Variants in DGKB observed in about 807,000 individuals in gnomAD.
The protein encoded by DGKB is diacylglycerol kinase beta.
Under a neutral mutation model 114.3 loss-of-function variants are expected in DGKB, and 67 were observed. The observed-to-expected ratio is 0.59, with a 90% CI of 0.48 to 0.72. The LOEUF (loss-of-function observed/expected upper bound fraction) is 0.72, where lower values mean the gene tolerates loss of function less well. DGKB is among the 30% of genes least tolerant of loss of function. DGKB has a pLI of 0.00. For synonymous variants in DGKB, 398 were observed against 323.1 expected (o/e 1.23, Z -2.49); for missense variants, 907 against 975.2 (o/e 0.93, Z 0.93).
intron 21 of DGKB, among the ~76,000 whole-genome samples, chr7:14,437,680 G>A (rs2128805193): frequency 6.6e-6 from 1 of 151,446 alleles, no homozygotes; most frequent in African/African-American, 2.4e-5. Flanking sequence ...TTGTCTTCAA[G>A]GTAATCTCTG....
chr7:14,955,087 T>C (rs1786422928), intron 1 of DGKB, among the ~76,000 whole-genome samples: 1 of 151,896 alleles, frequency 6.6e-6, no homozygotes, highest in Non-Finnish European at 1.5e-5. Flanking sequence ...GGCAAGCAAA[T>C]AAAGTTTCTG....
At chr7:14,446,277 G>C (rs558587317) in intron 21 of DGKB, among the ~76,000 whole-genome samples, 2 of 152,192 alleles carry the variant, frequency 1.3e-5, no homozygotes, top group Admixed American at 6.6e-5. Flanking sequence ...AATCGAAAGT[G>C]GTTCTTTTCT....
chr7:14,252,387 G>A (rs766108120), intron 23 of DGKB, among the ~76,000 whole-genome samples: 10 of 152,108 alleles, frequency 6.6e-5, no homozygotes, highest in Admixed American at 1.3e-4. Context: ...CTGATTATTC[G>A]TGATTTTATG....
chr7:14,788,704 C>A (rs1245362283), intron 2 of DGKB, among the ~76,000 whole-genome samples: 1 of 152,128 alleles, frequency 6.6e-6, no homozygotes, highest in Admixed American at 6.5e-5. Context: ...TCTTGCCCAC[C>A]TTTTCTTCTC....
At chr7:14,156,004 C>G (rs1487564813) in intron 25 of DGKB, among the ~76,000 whole-genome samples, 1 of 152,066 alleles carries the variant, frequency 6.6e-6, no homozygotes, top group African/African-American at 2.4e-5. Flanking sequence ...ATATGAATAG[C>G]AGATGTTAGA....
intron 2 of DGKB, among the ~76,000 whole-genome samples, chr7:14,811,757 G>A (rs901219893): frequency 2.0e-5 from 3 of 151,694 alleles, no homozygotes; most frequent in African/African-American, 7.3e-5. Context: ...TTATTTTGAG[G>A]TAAGTAAATA....
intron 1 of DGKB, among the ~76,000 whole-genome samples, chr7:14,898,402 A>G (rs551680435): frequency 3.3e-5 from 5 of 152,180 alleles, no homozygotes; most frequent in African/African-American, 1.2e-4. Flanking sequence ...TATTCCTACC[A>G]GTTTGTAACT....
intron 1 of DGKB, among the ~76,000 whole-genome samples, chr7:14,895,124 A>G (rs546010691): frequency 4.0e-5 from 6 of 151,792 alleles, no homozygotes; most frequent in East Asian, 1.9e-4. Flanking sequence ...ACTAAGCAAC[A>G]TTAAGTACTT....
chr7:14,831,823 T>C (rs1296982546), intron 2 of DGKB, among the ~76,000 whole-genome samples: 1 of 152,104 alleles, frequency 6.6e-6, no homozygotes. Flanking sequence ...TCATTGCTCC[T>C]AACGGATTTG....
chr7:14,490,406 C>G (rs992580605), intron 20 of DGKB, among the ~76,000 whole-genome samples: 23 of 152,106 alleles, frequency 1.5e-4, no homozygotes, highest in African/African-American at 4.6e-4. Flanking sequence ...AAAGTGACAG[C>G]ATAGTTTATT....
intron 1 of DGKB, among the ~76,000 whole-genome samples, chr7:14,939,837 T>A (rs1190844258): frequency 6.6e-6 from 1 of 151,890 alleles, no homozygotes; most frequent in African/African-American, 2.4e-5. Context: ...ATGGTCTTGA[T>A]CTCCTGACCT....
At chr7:14,386,511 G>A (rs1017292241) in intron 21 of DGKB, among the ~76,000 whole-genome samples, 9 of 152,154 alleles carry the variant, frequency 5.9e-5, no homozygotes, top group South Asian at 2.1e-4. Context: ...GCCCTGCAGC[G>A]ATAAGGTAAT....
chr7:14,519,989 T>C (rs1423035866), intron 20 of DGKB, among the ~76,000 whole-genome samples: 1 of 151,866 alleles, frequency 6.6e-6, no homozygotes, highest in Non-Finnish European at 1.5e-5. Flanking sequence ...ACTTTTCCAC[T>C]CTGGCTTATC....
chr7:14,949,704 C>G (rs1786071149), intron 1 of DGKB, among the ~76,000 whole-genome samples: 1 of 151,580 alleles, frequency 6.6e-6, no homozygotes, highest in Non-Finnish European at 1.5e-5. Flanking sequence ...CACAGGCATA[C>G]CATAGTAAAA....
intron 23 of DGKB, among the ~76,000 whole-genome samples, chr7:14,296,760 G>GTTTT (rs56367420): frequency 3.0e-5 from 3 of 100,836 alleles, no homozygotes; most frequent in African/African-American, 1.2e-4. Context: ...TCCAGGGACT[G>GTTTT]TTTTTTTTTT....
chr7:14,474,815 C>A (rs866889550), intron 21 of DGKB, among the ~76,000 whole-genome samples: 1 of 134,994 alleles, frequency 7.4e-6, no homozygotes, highest in Non-Finnish European at 1.6e-5. Context: ...ATTCTAGTAG[C>A]ATAAATATTT....
intron 25 of DGKB, among the ~76,000 whole-genome samples, chr7:14,151,310 C>T (rs1404483831): frequency 1.3e-5 from 2 of 151,728 alleles, no homozygotes; most frequent in Non-Finnish European, 1.5e-5. Context: ...ATATATCTTC[C>T]TAGCCATTTA....
chr7:14,503,061 G>A (rs1786456302), intron 20 of DGKB, among the ~76,000 whole-genome samples: 1 of 152,058 alleles, frequency 6.6e-6, no homozygotes, highest in South Asian at 2.1e-4. Context: ...TCTCCCTTGT[G>A]ATTTATGCCT....
chr7:14,725,743 T>G (rs1829925811), intron 5 of DGKB, among the ~76,000 whole-genome samples: 2 of 152,072 alleles, frequency 1.3e-5, no homozygotes, highest in South Asian at 2.1e-4. Flanking sequence ...AGACGGAGTT[T>G]CACCATGTTG....
Sources: allele counts gnomAD v4.1 joint callset (sites outside exome capture counted in the v4.1 genomes callset), GRCh38; gene constraint gnomAD v4.1.1; transcripts MANE v1.5; gene names NCBI Gene and HGNC (gene_info 2026-07-23, HGNC 2026-07-21).